Variants in TPST1 observed in about 807,000 individuals in gnomAD.
TPST1 encodes tyrosylprotein sulfotransferase 1.
In TPST1, 20 loss-of-function variants were observed where a neutral mutation model predicts 34.8. The ratio of observed to expected loss-of-function variants is 0.57; its 90% CI spans 0.40 to 0.84. The LOEUF (loss-of-function observed/expected upper bound fraction) is 0.84. Ranked by LOEUF, TPST1 falls within the 40% of genes least tolerant of loss-of-function variation. TPST1 has a pLI of 0.00. For missense variants in TPST1, 353 were observed against 455.5 expected (o/e 0.78, Z 2.05); for synonymous variants, 152 against 159.4 (o/e 0.95, Z 0.35).
intron 2 of TPST1, among the ~76,000 whole-genome samples, chr7:66,268,925 C>G (rs59300847): frequency 6.6e-6 from 1 of 152,126 alleles, no homozygotes; most frequent in Non-Finnish European, 1.5e-5. Flanking sequence ...TCAGGTGATC[C>G]GCCTGCCTTG....
intron 2 of TPST1, among the ~76,000 whole-genome samples, chr7:66,268,331 C>T (rs529820792): frequency 6.6e-6 from 1 of 152,288 alleles, no homozygotes; most frequent in Admixed American, 6.5e-5. Context: ...TTTAATGCTG[C>T]TGTTGATACC....
intron 2 of TPST1, among the ~76,000 whole-genome samples, chr7:66,252,550 A>T (rs1194459231): frequency 6.2e-5 from 8 of 129,536 alleles, no homozygotes; most frequent in African/African-American, 2.1e-4. Context: ...AGCCAGGATG[A>T]TCTCGATCTC....
chr7:66,286,564 CA>C lies in TPST1; in HGVS notation c.903del (p.Lys301AsnfsTer16). On this transcript the variant is annotated frameshift_variant, in exon 3 of 6. Coordinates refer to ENST00000304842, the MANE Select transcript of TPST1 (RefSeq NM_003596.4). LOFTEE classifies it high-confidence loss of function. ...AAGCCAGTCAATGTAGGAGCTCTATCAAAATGGGTTGGGAAGATACCGCCAG... is the reference window on the plus strand; with the variant it reads ...AAGCCAGTCAATGTAGGAGCTCTATCAAATGGGTTGGGAAGATACCGCCAG... ...VIKPVNVGAL[S>X]KWVGKIPPDV... 6.2e-7 allele frequency: 1 copy of C among 1,608,834 alleles called. No individual in the cohort carries two copies. The highest frequency in any genetic ancestry group is 8.5e-7 in the Non-Finnish European group (1 of 1,176,924).
the TPST1 span, among the ~76,000 whole-genome samples, chr7:66,198,831 C>T: frequency 1.3e-5 from 2 of 152,182 alleles, no homozygotes; most frequent in Non-Finnish European, 2.9e-5. Flanking sequence ...AGGAGTCCTG[C>T]TCACATTTTT....
At chr7:66,307,098 T>A (rs1342534414) in intron 3 of TPST1, among the ~76,000 whole-genome samples, 1 of 152,074 alleles carries the variant, frequency 6.6e-6, no homozygotes, top group Non-Finnish European at 1.5e-5. Flanking sequence ...TGTAGGTGGC[T>A]TAACCTCACC....
At chr7:66,359,381 A>G (rs1424760627) in intron 5 of TPST1, 2 of 136,822 alleles carry the variant, frequency 1.5e-5, no homozygotes, top group African/African-American at 5.2e-5. Context: ...AAAGAACCTT[A>G]GGACCCATTT....
intron 4 of TPST1, among the ~76,000 whole-genome samples, chr7:66,353,790 G>A (rs1009460568): frequency 2.0e-5 from 3 of 152,190 alleles, no homozygotes; most frequent in Admixed American, 6.5e-5. Flanking sequence ...TTCTGAAAGC[G>A]TTCCAGATAG....
rs554582861 is a variant in TPST1 at position 66,229,759 on chromosome 7, G to A, written c.-101-10566G>A. ...GCATTCCCAGTAGCAAAATGTGGGA[G>A]TTCCAGTTGCTTTTTATCCTTGTCA... On this transcript the variant is annotated intron_variant, in intron 1 of 5. Transcript: ENST00000304842. Among the ~76,000 whole-genome samples, 7 of 152,270 alleles carry A rather than the reference G, an allele frequency of 4.6e-5. No individual in the cohort carries two copies. The East Asian group carries it at 1.4e-3, about 29-fold the overall frequency.
At chr7:66,277,369 T>C (rs950829268) in intron 2 of TPST1, among the ~76,000 whole-genome samples, 1 of 152,192 alleles carries the variant, frequency 6.6e-6, no homozygotes, top group Admixed American at 6.5e-5. Context: ...ATTCTCAGTT[T>C]TCAGATGCGT....
chr7:66,283,281 A>C (rs150906286), intron 2 of TPST1, among the ~76,000 whole-genome samples: 220 of 152,042 alleles, frequency 1.4e-3, no homozygotes, highest in African/African-American at 4.9e-3. Context: ...AACAAAAAAA[A>C]CCCCAGGTTA....
intron 2 of TPST1, among the ~76,000 whole-genome samples, chr7:66,285,712 C>T (rs766540297): frequency 6.6e-6 from 1 of 152,154 alleles, no homozygotes; most frequent in Non-Finnish European, 1.5e-5. Context: ...AAATCTAATT[C>T]AGATCCAGCT....
intron 3 of TPST1, among the ~76,000 whole-genome samples, chr7:66,306,491 TG>T (rs1791426132): frequency 6.6e-6 from 1 of 152,154 alleles, no homozygotes; most frequent in Admixed American, 6.5e-5. Context: ...TTTCCCTGCT[TG>T]CTCTGACCAG....
chr7:66,203,240 A>AT (rs917047968), upstream of TPST1, among the ~76,000 whole-genome samples: 74 of 145,724 alleles, frequency 5.1e-4, no homozygotes, highest in South Asian at 2.2e-3. Flanking sequence ...TATAATTATT[A>AT]TTTTTTTTTT....
chr7:66,342,868 C>T (rs1792267296), intron 3 of TPST1, among the ~76,000 whole-genome samples: 1 of 152,140 alleles, frequency 6.6e-6, no homozygotes, highest in Admixed American at 6.5e-5. Flanking sequence ...AAACACTTCC[C>T]ACTAGGCCCC....
chr7:66,216,560 C>T (rs1408113571), intron 1 of TPST1, among the ~76,000 whole-genome samples: 2 of 151,912 alleles, frequency 1.3e-5, no homozygotes, highest in African/African-American at 4.8e-5. Flanking sequence ...GCCTCCACCT[C>T]CCAGGTTCAA....
chr7:66,317,759 T>G (rs1203874428), intron 3 of TPST1, among the ~76,000 whole-genome samples: 3 of 152,206 alleles, frequency 2.0e-5, no homozygotes, highest in Non-Finnish European at 4.4e-5. Context: ...CCACTTGTTT[T>G]GTGCTTTTGT....
intron 3 of TPST1, among the ~76,000 whole-genome samples, chr7:66,306,045 T>G (rs1453751025): frequency 6.6e-6 from 1 of 152,190 alleles, no homozygotes; most frequent in Non-Finnish European, 1.5e-5. Context: ...TGTGACTTGC[T>G]TGGAACGAAT....
At chr7:66,272,491 A>C (rs1790723344) in intron 2 of TPST1, among the ~76,000 whole-genome samples, 1 of 152,172 alleles carries the variant, frequency 6.6e-6, no homozygotes, top group Non-Finnish European at 1.5e-5. Flanking sequence ...AAAGACTATC[A>C]TAAGCCCACA....
At chr7:66,245,886 TGTG>T (rs1167899390) in intron 2 of TPST1, among the ~76,000 whole-genome samples, 1 of 152,170 alleles carries the variant, frequency 6.6e-6, no homozygotes, top group Non-Finnish European at 1.5e-5. Context: ...AAATATTACA[TGTG>T]GTGTTTTGTT....
Sources: allele counts gnomAD v4.1 joint callset (sites outside exome capture counted in the v4.1 genomes callset), GRCh38; gene constraint gnomAD v4.1.1; transcripts MANE v1.5; gene names NCBI Gene and HGNC (gene_info 2026-07-23, HGNC 2026-07-21).